The following PCDHGB5 variants were observed in gnomAD, a reference collection of about 807,000 sequenced individuals.
PCDHGB5 encodes protocadherin gamma subfamily B, 5.
In PCDHGB5, 48 loss-of-function variants were observed where a neutral mutation model predicts 62.9. The observed-to-expected ratio is 0.76, with a 90% CI of 0.61 to 0.97. PCDHGB5 has a LOEUF of 0.97. Ranked by LOEUF, PCDHGB5 falls within the 50% of genes least tolerant of loss-of-function variation. PCDHGB5 has a pLI of 0.00. For synonymous variants in PCDHGB5, 474 were observed against 511.2 expected (o/e 0.93, Z 0.98); for missense variants, 1,118 against 1,198.6 (o/e 0.93, Z 0.99).
chr5:141,428,304 G>C, intron 1 of PCDHGB5: 1 of 695,706 alleles, frequency 1.4e-6, no homozygotes, highest in South Asian at 1.6e-5. Flanking sequence ...AGATTTACCT[G>C]GTCGTGGCCT....
At position 141,476,161 on chromosome 5, in the gene PCDHGB5, G is replaced by A. The variant is rs748660112; in HGVS notation, c.2398-18646G>A. 21 of 1,613,012 alleles carry A rather than the reference G, an allele frequency of 1.3e-5. No homozygotes were observed. Among genetic ancestry groups the A allele is most frequent in the Non-Finnish European group, 1.8e-5 (21 of 1,179,922 alleles). On this transcript the variant is annotated intron_variant, in intron 1 of 3. Transcript: ENST00000617380. The surrounding 1 kb of genome is among the most constrained non-coding windows in gnomAD (Gnocchi z 7.6). ...GGAGCGGACTGGTAAGCACCGGGAG[G>A]GTAGTGGGAGTTTTGCTTCTGCTTG... is the stretch of plus-strand genomic sequence containing the variant.
rs2099681350 is a variant in PCDHGB5, at chr5:141,489,024, C to T, written c.2398-5783C>T. 1 of 450,378 alleles carries T rather than the reference C, an allele frequency of 2.2e-6. No individual in the cohort carries two copies. The highest frequency in any genetic ancestry group is 3.9e-6 in the Non-Finnish European group (1 of 256,582). 27.9% of individuals were successfully genotyped at this position (450,378 alleles called of 1,614,324 possible). On this transcript the variant is annotated intron_variant, in intron 1 of 3. Coordinates refer to ENST00000617380, the MANE Select transcript of PCDHGB5 (RefSeq NM_018925.3). The surrounding 1 kb of genome is among the most constrained non-coding windows in gnomAD (Gnocchi z 4.5). ...CTGCTCTTCCAGCCCGCCTCTCCTC[C>T]TCCAGCTCCCCAGCTCCACTCAAAT... is the stretch of plus-strand genomic sequence containing the variant.
chr5:141,403,465 G>A, intron 1 of PCDHGB5: 1 of 1,614,018 alleles, frequency 6.2e-7, no homozygotes, highest in Non-Finnish European at 8.5e-7. Context: ...AGAGCTACCA[G>A]CTCAGCCCCA....
At chr5:141,450,898 C>T (rs929869116) in intron 1 of PCDHGB5, among the ~76,000 whole-genome samples, 12 of 150,412 alleles carry the variant, frequency 8.0e-5, no homozygotes, top group African/African-American at 2.9e-4. Context: ...GATATCGGCT[C>T]ACTGCAACCG....
At chr5:141,507,283 G>T (rs917383969) in intron 3 of PCDHGB5, 2 of 150,498 alleles carry the variant, frequency 1.3e-5, no homozygotes, top group Non-Finnish European at 2.9e-5. Context: ...GCATAAGTCA[G>T]TCTCAAATGT....
At position 141,455,301 on chromosome 5, in the gene PCDHGB5, T is replaced by G. The variant is rs192443408; in HGVS notation, c.2398-39506T>G. Among the ~76,000 whole-genome samples, 191 of 152,308 alleles carry G rather than the reference T, an allele frequency of 1.3e-3. 1 individual carries two copies. Among genetic ancestry groups the G allele is most frequent in the African/African-American group, 4.4e-3 (181 of 41,566 alleles). On this transcript the variant is annotated intron_variant, in intron 1 of 3. Transcript: ENST00000617380. ...AACATCACTTTACATAGTTTCATCT[T>G]GCATTAGCAATTTTGTGTGTGTGTT...
chr5:141,400,558 C>A, intron 1 of PCDHGB5, 34 bp downstream of exon 1: 1 of 1,613,290 alleles, frequency 6.2e-7, no homozygotes, highest in Non-Finnish European at 8.5e-7. Context: ...TTTTTCATTA[C>A]CCACCCAATT....
At chr5:141,510,754 C>G (rs1407911674) in intron 3 of PCDHGB5, among the ~76,000 whole-genome samples, 193 bp from the exon 4 acceptor site, 3 of 152,168 alleles carry the variant, frequency 2.0e-5, no homozygotes, top group African/African-American at 7.2e-5. Flanking sequence ...GACTTTCTCA[C>G]TCCAGAGCCT....
intron 1 of PCDHGB5, chr5:141,419,377 C>A (rs2096371335): frequency 6.2e-7 from 1 of 1,613,572 alleles, no homozygotes; most frequent in African/African-American, 1.3e-5. Flanking sequence ...CCTACGTGTC[C>A]GTGAGCGCGC....
At position 141,505,394 on chromosome 5, in the gene PCDHGB5, T is replaced by C; in HGVS notation, c.2458T>C (p.Ser820Pro). 6.2e-7 allele frequency: 1 copy of C among 1,614,110 alleles called. No homozygotes were observed. The highest frequency in any genetic ancestry group is 8.5e-7 in the Non-Finnish European group (1 of 1,180,002). The part of the protein sequence containing the change: ...SQAQRPGTSG[S>P]QNGDDTGTWP... ...CTCACCATCCTACTCTCTCCCCAGC[T>C]CCCAAAATGGCGATGACACCGGCAC... Residue 820 changes from serine (S) to proline (P), a missense_variant and splice_region_variant, in exon 3 of 4, where the codon TCC becomes CCC. By Grantham distance (74) the Ser-to-Pro change is moderately conservative. Coordinates refer to ENST00000617380, the MANE Select transcript of PCDHGB5 (RefSeq NM_018925.3).
At chr5:141,480,828 TAAGATC>T (rs1054950452) in intron 1 of PCDHGB5, among the ~76,000 whole-genome samples, 22 of 152,260 alleles carry the variant, frequency 1.4e-4, no homozygotes, top group African/African-American at 5.1e-4. Context: ...GGGTGGATCA[TAAGATC>T]AGGAGTTTGA....
chr5:141,491,379 A>G lies in PCDHGB5; in HGVS notation c.2398-3428A>G, dbSNP rs140150079. 423 of 1,613,968 alleles carry G rather than the reference A, an allele frequency of 2.6e-4. No homozygotes were observed. Among genetic ancestry groups the G allele is most frequent in the Non-Finnish European group, 3.0e-4 (359 of 1,179,986 alleles). On this transcript the variant is annotated intron_variant, in intron 1 of 3. Transcript: ENST00000617380. The surrounding 1 kb of genome is among the most constrained non-coding windows in gnomAD (Gnocchi z 6.9). ...CCCTAGTCACCTTCACCTTTCTGTC[A>G]GCGAAGTGCCTTCAGGGAAACGCAG...
chr5:141,422,360 G>C (rs766368774), intron 1 of PCDHGB5: 1 of 1,559,254 alleles, frequency 6.4e-7, no homozygotes, highest in African/African-American at 1.4e-5. Context: ...CAAGATTCTG[G>C]AGAAAATGGT....
In PCDHGB5 at chr5:141,398,565, A is replaced by G. The variant is rs2150749377; in HGVS notation, c.438A>G (p.Ala146=). The G allele has an allele frequency of 1.2e-6, 2 of 1,614,040 alleles. No homozygotes were observed. Among genetic ancestry groups the G allele is most frequent in the South Asian group, 1.1e-5 (1 of 91,084 alleles). ...NSFELQISES[A]QPGTRFILEV... The stretch of plus-strand genomic sequence containing the variant: ...TTGAGCTGCAAATAAGTGAGTCTGC[A>G]CAGCCTGGCACAAGATTTATACTAG... Residue 146 remains alanine (A), a synonymous_variant, in exon 1 of 4, where the codon GCA becomes GCG. Transcript: ENST00000617380.
At chr5:141,455,789 G>A (rs966897617) in intron 1 of PCDHGB5, among the ~76,000 whole-genome samples, 56 of 152,058 alleles carry the variant, frequency 3.7e-4, no homozygotes, top group African/African-American at 1.3e-3. Context: ...AACTTTTCCG[G>A]AGATGCTTTA....
At chr5:141,441,246 C>G (rs2098234855) in intron 1 of PCDHGB5, 1 of 152,136 alleles carries the variant, frequency 6.6e-6, no homozygotes, top group Non-Finnish European at 1.5e-5. Flanking sequence ...ATCACAAGAT[C>G]TTTAAATCAC....
Position 141,490,809 on chromosome 5 carries a change from C to T in PCDHGB5, c.2398-3998C>T. On this transcript the variant is annotated intron_variant, in intron 1 of 3. Transcript: ENST00000617380. The surrounding 1 kb of genome is among the most constrained non-coding windows in gnomAD (Gnocchi z 5.4). Reference sequence around the variant, plus strand: ...GGATCTTTGCCCAGCGTACCTTTGACTATGAATTGCTGCAGATGCTGCAGA... The same window carrying T: ...GGATCTTTGCCCAGCGTACCTTTGATTATGAATTGCTGCAGATGCTGCAGA... 2 of 1,613,954 alleles carry T rather than the reference C, an allele frequency of 1.2e-6. No individual in the cohort carries two copies. Among genetic ancestry groups the T allele is most frequent in the South Asian group, 2.2e-5 (2 of 91,076 alleles).
chr5:141,477,184 C>T lies in PCDHGB5; in HGVS notation c.2398-17623C>T. On this transcript the variant is annotated intron_variant, in intron 1 of 3. Coordinates refer to ENST00000617380, the MANE Select transcript of PCDHGB5 (RefSeq NM_018925.3). The surrounding 1 kb of genome is among the most constrained non-coding windows in gnomAD (Gnocchi z 4.9). ...ACGCCCCGGAGATCACAGTCACCTC[C>T]GTGTACAGCCCAGTACCCGAGGATG... The T allele has an allele frequency of 3.7e-6, 6 of 1,614,178 alleles. No individual in the cohort carries two copies. Among genetic ancestry groups the T allele is most frequent in the Non-Finnish European group, 5.1e-6 (6 of 1,180,032 alleles).
Position 141,490,102 on chromosome 5 carries a change from G to A in PCDHGB5, c.2398-4705G>A, listed in dbSNP as rs377649214. On this transcript the variant is annotated intron_variant, in intron 1 of 3. Coordinates refer to ENST00000617380, the MANE Select transcript of PCDHGB5 (RefSeq NM_018925.3). The surrounding 1 kb of genome is among the most constrained non-coding windows in gnomAD (Gnocchi z 5.4). ...TTCTTTTGGAGACCACACATCTGAG[G>A]CAGTGCGGAACCTCTTTGGCCTAGA... 4.3e-6 allele frequency: 7 copies of A among 1,614,144 alleles called. No homozygotes were observed. The African/African-American group carries it at 9.3e-5, about 22-fold the overall frequency.
Sources: allele counts gnomAD v4.1 joint callset (sites outside exome capture counted in the v4.1 genomes callset), GRCh38; gene constraint gnomAD v4.1.1; non-coding constraint Gnocchi (gnomAD v3.1); transcripts MANE v1.5; gene names NCBI Gene and HGNC (gene_info 2026-07-23, HGNC 2026-07-21).